DNAL4: variants seen among roughly 807,000 people sequenced by gnomAD.
DNAL4 encodes the protein dynein axonemal light chain 4.
Under a neutral mutation model 12.6 loss-of-function variants are expected in DNAL4, and 10 were observed. The ratio of observed to expected loss-of-function variants is 0.79; its 90% CI spans 0.49 to 1.34. The LOEUF is 1.34. DNAL4 is among the 40% of genes most tolerant of loss of function. The pLI, the probability that DNAL4 is intolerant of heterozygous loss-of-function variation, is 0.00. For missense variants in DNAL4, 128 were observed against 138.1 expected (o/e 0.93, Z 0.37); for synonymous variants, 46 against 53.1 (o/e 0.87, Z 0.58).
At position 38,782,675 on chromosome 22, in the gene DNAL4, GA is replaced by G; in HGVS notation, c.56del (p.Phe19SerfsTer38). The G allele has an allele frequency of 6.2e-7, 1 of 1,613,348 alleles. No individual in the cohort carries two copies. The highest frequency in any genetic ancestry group is 1.7e-4 in the Middle Eastern group (1 of 5,952). ...DEADYKRLQTFPLVRHSDMPE... is the reference protein window; with the variant it reads ...DEADYKRLQTXPLVRHSDMPE... ...CCCTGGGGCTTACCCTGACCAGAGGGAAGGTCTGCAGTCGCTTATAATCAGC... is the reference window on the plus strand; with the variant it reads ...CCCTGGGGCTTACCCTGACCAGAGGGAGGTCTGCAGTCGCTTATAATCAGC... On this transcript the variant is annotated frameshift_variant, in exon 2 of 4. Transcript: ENST00000216068. LOFTEE classifies it high-confidence loss of function. This position sits in a 1 kb window ranked among gnomAD's most constrained non-coding sequence, Gnocchi z 5.1.
rs986667313 is a variant in DNAL4 at position 38,778,584 on chromosome 22, C to T, written c.*865G>A. The stretch of plus-strand genomic sequence containing the variant: ...ACCGCTGTGTAAAATACGATTCACC[C>T]TTCTACTAAAACCCTTTTCCCACAC... On this transcript the variant is annotated 3_prime_UTR_variant, in exon 4 of 4. Transcript: ENST00000216068. 6.5e-6 allele frequency: 1 copy of T among 152,684 alleles called. No homozygotes were observed. Among genetic ancestry groups the T allele is most frequent in the African/African-American group, 2.4e-5 (1 of 41,462 alleles). 9.5% of individuals were successfully genotyped at this position (152,684 alleles called of 1,614,324 possible).
intron 1 of DNAL4, among the ~76,000 whole-genome samples, chr22:38,791,407 G>C (rs2093050379): frequency 6.6e-6 from 1 of 151,896 alleles, no homozygotes; most frequent in African/African-American, 2.4e-5. Context: ...AGGCTGGAGT[G>C]CAAAGCCGTG....
intron 3 of DNAL4, chr22:38,780,589 C>T (rs2093032828): frequency 3.1e-6 from 1 of 323,054 alleles, no homozygotes; most frequent in Admixed American, 4.6e-5. Context: ...TGAGTGAATA[C>T]ATGAATGGAT....
intron 1 of DNAL4, among the ~76,000 whole-genome samples, chr22:38,787,335 G>A (rs1347080725): frequency 2.0e-5 from 3 of 151,276 alleles, no homozygotes; most frequent in East Asian, 1.9e-4. Flanking sequence ...TCCGCCTCCC[G>A]GGTTCAAGCA....
chr22:38,779,687 G>C lies in DNAL4; in HGVS notation c.154-74C>G. ...AGGAGTCAGGTCCTTCTCCAGGAAG[G>C]AGAAGGCTGGCACTGAGGTCTTGGC... On this transcript the variant is annotated intron_variant, in intron 3 of 3. Transcript: ENST00000216068. This position sits in a 1 kb window ranked among gnomAD's most constrained non-coding sequence, Gnocchi z 4.3. The C allele has an allele frequency of 6.6e-7, 1 of 1,506,884 alleles. No homozygotes were observed. Among genetic ancestry groups the C allele is most frequent in the Admixed American group, 2.1e-5 (1 of 47,688 alleles). 93.3% of individuals were successfully genotyped at this position (1,506,884 alleles called of 1,614,324 possible).
At chr22:38,784,984 C>T (rs572966720) in intron 1 of DNAL4, among the ~76,000 whole-genome samples, 22 of 150,640 alleles carry the variant, frequency 1.5e-4, no homozygotes, top group African/African-American at 5.1e-4. Flanking sequence ...GACCCCCCCC[C>T]CCATCCAATG....
Position 38,781,024 on chromosome 22 carries a change from G to A in DNAL4, c.70-15C>T. 1 of 1,613,828 alleles carries A rather than the reference G, an allele frequency of 6.2e-7. No individual in the cohort carries two copies. The highest frequency in any genetic ancestry group is 8.5e-7 in the Non-Finnish European group (1 of 1,179,856). On this transcript the variant is annotated splice_polypyrimidine_tract_variant and intron_variant, in intron 2 of 3. Coordinates refer to ENST00000216068, the MANE Select transcript of DNAL4 (RefSeq NM_005740.3). The stretch of plus-strand genomic sequence containing the variant: ...ATGTCCGAGTGCTAGAGACAGGGCA[G>A]GGGTAACAAACAAGAGACAGGCTTA...
rs1003619507 is a variant in DNAL4 at position 38,791,080 on chromosome 22, T to C, written c.-140+2988A>G. On this transcript the variant is annotated intron_variant, in intron 1 of 3. Coordinates refer to ENST00000216068, the MANE Select transcript of DNAL4 (RefSeq NM_005740.3). The stretch of plus-strand genomic sequence containing the variant: ...TACTCAGGAGGCTGAAGCAGGAGAA[T>C]CTCTTGAACCTGGGAGGCGGAGGTT... 4.0e-5 allele frequency among the ~76,000 whole-genome samples: 6 copies of C among 149,456 alleles called. No homozygotes were observed. The Admixed American group carries it at 4.0e-4, about 10-fold the overall frequency.
intron 1 of DNAL4, among the ~76,000 whole-genome samples, chr22:38,788,301 G>A (rs930920870): frequency 1.3e-5 from 2 of 152,166 alleles, no homozygotes; most frequent in African/African-American, 4.8e-5. Context: ...TGCTGCAAAA[G>A]GGCCTTAGAA....
chr22:38,786,047 TC>T (rs1044054536), intron 1 of DNAL4: 7 of 152,220 alleles, frequency 4.6e-5, no homozygotes. Context: ...ATGATGTGTT[TC>T]CAAATACAGA....
rs1438502377 is a variant in DNAL4, at chr22:38,778,543, C to T, written c.*906G>A. On this transcript the variant is annotated 3_prime_UTR_variant, in exon 4 of 4. Transcript: ENST00000216068. ...GTCATTTTAATTGTAAAAACCAAGA[C>T]ATTTATATAAATAAGACCGCTGTGT... 2 of 152,662 alleles carry T rather than the reference C, an allele frequency of 1.3e-5. No homozygotes were observed. The highest frequency in any genetic ancestry group is 1.3e-4 in the Admixed American group (2 of 15,288). 9.5% of individuals were successfully genotyped at this position (152,662 alleles called of 1,614,324 possible).
intron 1 of DNAL4, among the ~76,000 whole-genome samples, chr22:38,793,203 G>A (rs1351941400): frequency 6.6e-6 from 1 of 152,154 alleles, no homozygotes; most frequent in East Asian, 1.9e-4. Context: ...CCTAACCATG[G>A]AAGCCCAGGA....
intron 1 of DNAL4, 28 bp downstream of exon 1, chr22:38,794,040 G>A (rs962204323): frequency 1.3e-5 from 2 of 152,184 alleles, no homozygotes; most frequent in African/African-American, 4.8e-5. Flanking sequence ...CTCCCCGCCT[G>A]GCTGCCCGCC....
At chr22:38,792,767 C>T (rs1313652410) in intron 1 of DNAL4, among the ~76,000 whole-genome samples, 8 of 152,126 alleles carry the variant, frequency 5.3e-5, no homozygotes, top group Non-Finnish European at 1.2e-4. Flanking sequence ...ATAACAAAGC[C>T]TTTTGCTTGA....
At chr22:38,784,950 G>A (rs1276974669) in intron 1 of DNAL4, among the ~76,000 whole-genome samples, 1 of 150,406 alleles carries the variant, frequency 6.6e-6, no homozygotes, top group Non-Finnish European at 1.5e-5. Flanking sequence ...CGGCTCCCTC[G>A]CATGAGGCTG....
intron 1 of DNAL4, among the ~76,000 whole-genome samples, chr22:38,793,328 T>G (rs574112340): frequency 1.3e-5 from 2 of 152,308 alleles, no homozygotes; most frequent in African/African-American, 4.8e-5. Flanking sequence ...TAACAAATAC[T>G]GAATCTATAC....
intron 1 of DNAL4, among the ~76,000 whole-genome samples, chr22:38,791,027 T>C (rs974207748): frequency 6.6e-6 from 1 of 151,676 alleles, no homozygotes; most frequent in Non-Finnish European, 1.5e-5. Context: ...AATTAGCTGG[T>C]GTTGTGGCGC....
Position 38,782,612 on chromosome 22 carries a change from C to T in DNAL4, c.69+51G>A. 1 of 1,592,958 alleles carries T rather than the reference C, an allele frequency of 6.3e-7. No homozygotes were observed. Among genetic ancestry groups the T allele is most frequent in the Non-Finnish European group, 8.6e-7 (1 of 1,163,858 alleles). ...GGGACAAGCTCCACCCACCTCTCTC[C>T]AGGCTGTGTGGGCCCTGCCGGCAGT... On this transcript the variant is annotated intron_variant, in intron 2 of 3. Transcript: ENST00000216068. This position sits in a 1 kb window ranked among gnomAD's most constrained non-coding sequence, Gnocchi z 5.1.
intron 1 of DNAL4, among the ~76,000 whole-genome samples, chr22:38,784,610 A>G (rs1367227960): frequency 2.7e-5 from 4 of 147,886 alleles, no homozygotes; most frequent in Non-Finnish European, 5.9e-5. Context: ...TCCCAGGTTC[A>G]TGCCATTCTC....
Sources: allele counts gnomAD v4.1 joint callset (sites outside exome capture counted in the v4.1 genomes callset), GRCh38; gene constraint gnomAD v4.1.1; non-coding constraint Gnocchi (gnomAD v3.1); transcripts MANE v1.5; gene names NCBI Gene and HGNC (gene_info 2026-07-23, HGNC 2026-07-21).